Variants in GYS1 observed in about 807,000 individuals in gnomAD.
GYS1 encodes glycogen synthase 1.
GYS1 carries 60 observed loss-of-function variants against 89.1 expected under a neutral mutation model. The observed-to-expected ratio is 0.67, with a 90% confidence interval of 0.55 to 0.84. The LOEUF is 0.84. Among genes scored for constraint, GYS1 ranks in the 40% least tolerant of loss-of-function variants. The probability of loss-of-function intolerance (pLI) is 0.00; values close to 1 mark genes in which losing one functional copy is unlikely to be tolerated. For synonymous variants in GYS1, 366 were observed against 401.7 expected, an observed-to-expected ratio of 0.91 and a Z score of 1.06; for missense variants, 888 against 1,003.1, an observed-to-expected ratio of 0.89 and a Z score of 1.55.
At chr19:48,974,999 C>A (rs890136583) in intron 10 of GYS1, among the ~76,000 whole-genome samples, 1 of 152,116 alleles carries the variant, frequency 6.6e-6, no homozygotes, top group Non-Finnish European at 1.5e-5. Context: ...GGCACAATCT[C>A]GGCTCACTGC....
At chr19:48,990,720 G>A (rs1454568152) in intron 2 of GYS1, among the ~76,000 whole-genome samples, 1 of 152,196 alleles carries the variant, frequency 6.6e-6, no homozygotes, top group Non-Finnish European at 1.5e-5. Flanking sequence ...CAAGTGGAGG[G>A]TGAACTTGAA....
In GYS1 at chr19:48,969,136, CTGGAGGGGG is replaced by C. The variant is rs1405338862; in HGVS notation, c.*143_*151del. 3 of 678,236 alleles carry C rather than the reference CTGGAGGGGG, an allele frequency of 4.4e-6. No individual in the cohort carries two copies. Among genetic ancestry groups the C allele is most frequent in the Admixed American group, 5.4e-5 (2 of 37,086 alleles). The allele number at this position is 678,236 out of a possible 1,614,324, so 42.0% of individuals were successfully genotyped here. ...GAGTGCAGGAACTTGGAAACTGGAG[CTGGAGGGGG>C]TGGAGTGTTTGGCGGACTGGGTGGG... On this transcript the variant is annotated 3_prime_UTR_variant, in exon 16 of 16. Transcript: ENST00000323798.
chr19:48,983,967 G>A (rs940201132), intron 5 of GYS1, among the ~76,000 whole-genome samples: 30 of 152,164 alleles, frequency 2.0e-4, no homozygotes, highest in African/African-American at 7.0e-4. Flanking sequence ...GGTAACTGAT[G>A]GTCCCCAGCT....
chr19:48,988,945 T>C (rs192735690), intron 2 of GYS1, among the ~76,000 whole-genome samples: 3 of 152,264 alleles, frequency 2.0e-5, no homozygotes, highest in East Asian at 1.9e-4. Flanking sequence ...TTCCCCATGA[T>C]GCCTTGTTTC....
At position 48,974,359 on chromosome 19, in the gene GYS1, A is replaced by G. The variant is rs1568617956; in HGVS notation, c.1423-20T>C. 6.2e-7 allele frequency: 1 copy of G among 1,613,618 alleles called. No individual in the cohort carries two copies. The highest frequency in any genetic ancestry group is 1.7e-5 in the Admixed American group (1 of 59,994). On this transcript the variant is annotated intron_variant, in intron 11 of 15. Coordinates refer to ENST00000323798, the MANE Select transcript of GYS1 (RefSeq NM_002103.5). ...AATCACCTGGTAGTGAAAAAGAAGG[A>G]CTCAGCCCAAGTGCCTTATTTAGCT...
rs1290414839 is a variant in GYS1 at position 48,991,872 on chromosome 19, C to T, written c.119-389G>A. 6.6e-6 allele frequency among the ~76,000 whole-genome samples: 1 copy of T among 152,080 alleles called. No homozygotes were observed. The highest frequency in any genetic ancestry group is 6.5e-5 in the Admixed American group (1 of 15,276). On this transcript the variant is annotated intron_variant, in intron 1 of 15. Transcript: ENST00000323798. This position sits in a 1 kb window ranked among gnomAD's most constrained non-coding sequence, Gnocchi z 4.7. ...CGGACTCAGGTTCCCGAGTTCCCAG[C>T]TCACAGGAGCTGGGTTTAAATCGCA...
intron 4 of GYS1, 41 bp downstream of exon 4, chr19:48,985,809 G>T: frequency 6.2e-7 from 1 of 1,605,622 alleles, no homozygotes; most frequent in South Asian, 1.1e-5. Context: ...GGGTTTTCCT[G>T]GCATACTCGC....
intron 8 of GYS1, among the ~76,000 whole-genome samples, chr19:48,978,810 C>T (rs1025221965): frequency 2.0e-5 from 3 of 152,182 alleles, no homozygotes; most frequent in South Asian, 4.1e-4. Flanking sequence ...GCTGGAATTA[C>T]AGGCATGAGC....
At chr19:48,978,211 A>G in intron 8 of GYS1, 54 bp from the exon 9 acceptor site, 1 of 1,393,726 alleles carries the variant, frequency 7.2e-7, no homozygotes, top group Non-Finnish European at 1.0e-6. Flanking sequence ...ATTTACTGTT[A>G]GGCTTCTTTA....
rs1205499394 is a variant in GYS1 at position 48,969,382 on chromosome 19, T to G, written c.2120A>C (p.Lys707Thr). Residue 707 changes from lysine to threonine, a missense_variant, in exon 16 of 16, where the codon AAG (lysine) becomes ACG (threonine). Lys to Thr is a moderately conservative substitution (Grantham distance 78, BLOSUM62 -1). Transcript: ENST00000323798. ...GGTGGCCGTGTCCACAGAGTTGCGCTTGCTGCCGCTGGTGGAGGAGGTGCA... is the reference window on the plus strand; with the variant it reads ...GGTGGCCGTGTCCACAGAGTTGCGCGTGCTGCCGCTGGTGGAGGAGGTGCA... Reference protein sequence around the residue: ...ASCTSSTSGSKRNSVDTATSS... With the variant: ...ASCTSSTSGSTRNSVDTATSS... 3.8e-6 allele frequency: 6 copies of G among 1,571,618 alleles called. No homozygotes were observed. Among genetic ancestry groups the G allele is most frequent in the African/African-American group, 1.4e-5 (1 of 73,952 alleles).
chr19:48,974,821 C>T, intron 10 of GYS1, 88 bp from the exon 11 acceptor site: 1 of 885,538 alleles, frequency 1.1e-6, no homozygotes, highest in African/African-American at 1.6e-5. Flanking sequence ...CTGGGGGAGC[C>T]AAGGAGACCA....
At chr19:48,988,521 G>A (rs2122529370) in intron 2 of GYS1, among the ~76,000 whole-genome samples, 1 of 152,260 alleles carries the variant, frequency 6.6e-6, no homozygotes, top group South Asian at 2.1e-4. Flanking sequence ...GTCTCACTAT[G>A]TTGCCCAGGC....
rs539351146 is a variant in GYS1 at position 48,974,918 on chromosome 19, CT to C, written c.1309-186del. 3.2e-3 allele frequency among the ~76,000 whole-genome samples: 199 copies of C among 62,604 alleles called. 1 individual carries two copies. The highest frequency in any genetic ancestry group is 9.5e-3 in the African/African-American group (189 of 19,998). 41.1% of individuals were successfully genotyped at this position (62,604 alleles called of 152,430 possible). On this transcript the variant is annotated intron_variant, in intron 10 of 15. Coordinates refer to ENST00000323798, the MANE Select transcript of GYS1 (RefSeq NM_002103.5). The stretch of plus-strand genomic sequence containing the variant: ...AGTACAACCTGTAAAGGTTTTCTTT[CT>C]TTTCTTTTAAATTATTATTATTTAT...
In GYS1 at chr19:48,990,873, C is replaced by T. The variant is rs141144982; in HGVS notation, c.300+429G>A. Among the ~76,000 whole-genome samples, 185 of 152,356 alleles carry T rather than the reference C, an allele frequency of 1.2e-3. 2 individuals are homozygous for T. The East Asian group carries it at 0.015, about 13-fold the overall frequency. On this transcript the variant is annotated intron_variant, in intron 2 of 15. Transcript: ENST00000323798. ...GCAGTGGCCCAATCGCAGCTCACTGCAACCTCCGCCTCCCGGGTTCAAGCG... is the reference window on the plus strand; with the variant it reads ...GCAGTGGCCCAATCGCAGCTCACTGTAACCTCCGCCTCCCGGGTTCAAGCG...
chr19:48,969,206 CG>C lies in GYS1; in HGVS notation c.*81del. The C allele has an allele frequency of 7.9e-7, 1 of 1,273,860 alleles. No homozygotes were observed. The highest frequency in any genetic ancestry group is 2.5e-5 in the East Asian group (1 of 39,458). 78.9% of individuals were successfully genotyped at this position (1,273,860 alleles called of 1,614,324 possible). ...GGCCACACCCAGTGCAGATCTGGAG[CG>C]GGGGTTTAGGAGCAGCACCCCTCTG... is the stretch of plus-strand genomic sequence containing the variant. On this transcript the variant is annotated 3_prime_UTR_variant, in exon 16 of 16. Coordinates refer to ENST00000323798, the MANE Select transcript of GYS1 (RefSeq NM_002103.5).
rs780454237 is a variant in GYS1 at position 48,985,534 on chromosome 19, G to C, written c.750C>G (p.His250Gln). The C allele has an allele frequency of 6.2e-7, 1 of 1,614,076 alleles. No individual in the cohort carries two copies. Among genetic ancestry groups the C allele is most frequent in the Admixed American group, 1.7e-5 (1 of 60,036 alleles). Residue 250 changes from histidine to glutamine, a missense_variant, in exon 5 of 16, where the codon CAC becomes CAG. Physicochemically the swap from His to Gln is conservative, Grantham distance 24. Coordinates refer to ENST00000323798, the MANE Select transcript of GYS1 (RefSeq NM_002103.5). ...HRYCMERAAA[H>Q]CAHVFTTVSQ... The stretch of plus-strand genomic sequence containing the variant: ...ACACAGTAGTGAAGACGTGAGCGCA[G>C]TGGGCTGCCGCCCTTTCCATGCAGT...
At chr19:48,985,825 C>A (rs765226154) in intron 4 of GYS1, 25 bp downstream of exon 4, 4 of 1,611,080 alleles carry the variant, frequency 2.5e-6, no homozygotes, top group Admixed American at 3.3e-5. Flanking sequence ...CTCGCAGTCC[C>A]CCATCTGCCA....
intron 10 of GYS1, among the ~76,000 whole-genome samples, chr19:48,976,863 A>G (rs2038662026): frequency 6.6e-6 from 1 of 151,110 alleles, no homozygotes; most frequent in African/African-American, 2.5e-5. Context: ...ATCATAGCTC[A>G]CTGCAGCCTT....
chr19:48,981,570 C>G lies in GYS1; in HGVS notation c.1129G>C (p.Val377Leu). 2 of 1,613,518 alleles carry G rather than the reference C, an allele frequency of 1.2e-6. No homozygotes were observed. The highest frequency in any genetic ancestry group is 1.1e-5 in the South Asian group (1 of 91,070). Residue 377 changes from valine to leucine, a missense_variant, in exon 8 of 16, where the codon GTG becomes CTG. Physicochemically the swap from Val to Leu is conservative, Grantham distance 32. Transcript: ENST00000323798. ...IMPARTNNFN[V>L]ETLKGQAVRK... Reference sequence around the variant, plus strand: ...ACAGCTTGGCCTTTGAGGGTTTCCACGTTGAAATTGTTGGTCCGCGCTGGC... The same window carrying G: ...ACAGCTTGGCCTTTGAGGGTTTCCAGGTTGAAATTGTTGGTCCGCGCTGGC...
Sources: allele counts gnomAD v4.1 joint callset (sites outside exome capture counted in the v4.1 genomes callset), GRCh38; gene constraint gnomAD v4.1.1; non-coding constraint Gnocchi (gnomAD v3.1); transcripts MANE v1.5; gene names NCBI Gene and HGNC (gene_info 2026-07-23, HGNC 2026-07-21).